The following PRPF18 variants were observed in gnomAD, a reference collection of about 807,000 sequenced individuals.
The protein encoded by PRPF18 is pre-mRNA processing factor 18, also known as pre-mRNA-splicing factor 18.
PRPF18 carries 38 observed loss-of-function variants against 46.5 expected under a neutral mutation model. The observed-to-expected ratio is 0.82, with a 90% CI of 0.63 to 1.07. The LOEUF (loss-of-function observed/expected upper bound fraction) is 1.07, where lower values mean the gene tolerates loss of function less well. Ranked by LOEUF, PRPF18 falls within the 50% of genes least tolerant of loss-of-function variation. The probability of loss-of-function intolerance (pLI) is 0.00; values close to 1 mark genes in which losing one functional copy is unlikely to be tolerated. For synonymous variants in PRPF18, 152 were observed against 146.7 expected, an observed-to-expected ratio of 1.04 and a Z score of -0.26; for missense variants, 263 against 410.0, an observed-to-expected ratio of 0.64 and a Z score of 3.10.
chr10:13,613,863 T>C lies in PRPF18; in HGVS notation c.702T>C (p.Phe234=), dbSNP rs367666013. ...CCGAGTCCTACCTAAGACCACTTTT[T>C]AGAAAGCTACGGAAAAGGGTGAGGT... is the stretch of plus-strand genomic sequence containing the variant. ...KQTESYLRPL[F]RKLRKRNLPA... Residue 234 remains phenylalanine, a synonymous_variant, in exon 7 of 10, where the codon TTT becomes TTC. Transcript: ENST00000378572. 33 of 1,611,070 alleles carry C rather than the reference T, an allele frequency of 2.0e-5. No homozygotes were observed. The African/African-American group carries it at 4.3e-4, about 21-fold the overall frequency.
At chr10:13,647,066 A>T in the PRPF18 span, 1 of 460,324 alleles carries the variant, frequency 2.2e-6, no homozygotes, top group Non-Finnish European at 2.7e-6. Flanking sequence ...GAGATGAGAC[A>T]GTTAGTTAGT....
At chr10:13,655,730 C>G in the PRPF18 span, 1 of 152,244 alleles carries the variant, frequency 6.6e-6, no homozygotes, top group Non-Finnish European at 1.5e-5. Context: ...ATTCCTGACT[C>G]AGAGTTCCTC....
At chr10:13,654,578 C>T in the PRPF18 span, 457 of 1,023,326 alleles carry the variant, frequency 4.5e-4, 4 homozygotes, top group African/African-American at 6.0e-3. Context: ...AAAGAGCTTG[C>T]GACTTGTTGG....
chr10:13,652,991 C>G, the PRPF18 span: 6 of 151,592 alleles, frequency 4.0e-5, no homozygotes, highest in Admixed American at 2.0e-4. Context: ...CCAGCTCCCT[C>G]CAGCTGTCAG....
the PRPF18 span, chr10:13,639,413 A>T: frequency 2.6e-5 from 4 of 152,198 alleles, no homozygotes; most frequent in African/African-American, 4.8e-5. Flanking sequence ...TTCAGAAAAT[A>T]CATGGCTCTG....
chr10:13,605,156 A>G lies in PRPF18; in HGVS notation c.250-475A>G, dbSNP rs568206637. On this transcript the variant is annotated intron_variant, in intron 3 of 9. Transcript: ENST00000378572. ...ATCTTTGTTTAGCTTAATTGAAATG[A>G]TCTAAAATATTTGAAGGATTTTATA... Among the ~76,000 whole-genome samples, 10 of 152,360 alleles carry G rather than the reference A, an allele frequency of 6.6e-5. No individual in the cohort carries two copies. In the East Asian group the frequency reaches 1.9e-3, roughly 29 times the overall value.
intron 8 of PRPF18, among the ~76,000 whole-genome samples, chr10:13,615,470 A>T (rs931696315): frequency 6.6e-6 from 1 of 152,258 alleles, no homozygotes; most frequent in Non-Finnish European, 1.5e-5. Flanking sequence ...ATTAAGCTTT[A>T]TAAAACCGGT....
Position 13,587,032 on chromosome 10 carries a change from A to G in PRPF18, c.-55A>G. 3.8e-6 allele frequency: 6 copies of G among 1,576,186 alleles called. No homozygotes were observed. The highest frequency in any genetic ancestry group is 2.6e-6 in the Non-Finnish European group (3 of 1,145,662). ...TGGGTTCGCGGCCGCCGGCCCAGTG[A>G]GGCTGGGTTCGAGGAGCTGGAGCGG... is the stretch of plus-strand genomic sequence containing the variant. On this transcript the variant is annotated 5_prime_UTR_variant, in exon 1 of 10. Transcript: ENST00000378572.
the PRPF18 span, chr10:13,646,876 G>C: frequency 5.8e-6 from 2 of 344,874 alleles, no homozygotes; most frequent in African/African-American, 4.4e-5. Context: ...AGGCAAATGA[G>C]AGGCAGTGAG....
intron 9 of PRPF18, among the ~76,000 whole-genome samples, chr10:13,618,479 A>AGCCAGG (rs2080376152): frequency 6.6e-6 from 1 of 151,948 alleles, no homozygotes; most frequent in Non-Finnish European, 1.5e-5. Flanking sequence ...AATAGAAACT[A>AGCCAGG]GCCAGGCATG....
chr10:13,592,327 A>G, intron 1 of PRPF18: 2 of 352,834 alleles, frequency 5.7e-6, no homozygotes, highest in Non-Finnish European at 1.1e-5. Context: ...CCACCATCTT[A>G]CAAGATGGGG....
chr10:13,632,118 G>C (rs746864990), downstream of PRPF18: 1 of 152,656 alleles, frequency 6.6e-6, no homozygotes, highest in Admixed American at 6.5e-5. Context: ...GAGGTGGGCA[G>C]ATCACGAGGT....
chr10:13,610,126 G>A lies in PRPF18; in HGVS notation c.451G>A (p.Glu151Lys). Residue 151 changes from glutamate (E) to lysine (K), a missense_variant, in exon 5 of 10, where the codon GAA becomes AAA. Glu to Lys is a moderately conservative substitution (Grantham distance 56). Coordinates refer to ENST00000378572, the MANE Select transcript of PRPF18 (RefSeq NM_003675.4). ...EIVGGQEPGEEDTQNDLKVHE... is the reference protein window; with the variant it reads ...EIVGGQEPGEKDTQNDLKVHE... The stretch of plus-strand genomic sequence containing the variant: ...CGTCGGCGGTCAGGAGCCTGGAGAG[G>A]AAGACACACAGAATGATCTGAAAGT... 6.2e-7 allele frequency: 1 copy of A among 1,614,054 alleles called. No individual in the cohort carries two copies. Among genetic ancestry groups the A allele is most frequent in the Admixed American group, 1.7e-5 (1 of 60,016 alleles).
intron 1 of PRPF18, chr10:13,592,091 G>A (rs2079971312): frequency 8.6e-6 from 5 of 583,180 alleles, no homozygotes; most frequent in South Asian, 1.6e-5. Context: ...TTTCAACCTC[G>A]TACTTAGCGG....
intron 8 of PRPF18, 142 bp from the exon 9 acceptor site, chr10:13,616,256 A>G (rs1427594319): frequency 1.2e-5 from 10 of 809,284 alleles, no homozygotes; most frequent in African/African-American, 1.7e-5. Context: ...TTTTGTTTGA[A>G]TAACAGTCAT....
chr10:13,633,311 C>T (rs1049964534), downstream of PRPF18, among the ~76,000 whole-genome samples: 34 of 152,168 alleles, frequency 2.2e-4, no homozygotes, highest in African/African-American at 8.2e-4. Context: ...AGGAAACAGG[C>T]TTGATAGCAG....
chr10:13,654,054 T>C, the PRPF18 span: 1 of 434,824 alleles, frequency 2.3e-6, no homozygotes, highest in Non-Finnish European at 4.0e-6. Flanking sequence ...GCTCTCTTTC[T>C]CCCCCTGACA....
chr10:13,610,237 G>A lies in PRPF18; in HGVS notation c.510+52G>A, dbSNP rs554618450. 11 of 1,567,438 alleles carry A rather than the reference G, an allele frequency of 7.0e-6. No homozygotes were observed. The African/African-American group carries it at 1.4e-4, about 19-fold the overall frequency. On this transcript the variant is annotated intron_variant, in intron 5 of 9. Transcript: ENST00000378572. Reference sequence around the variant, plus strand: ...TCCCTGGCACCCTTCTTTTTCCTCTGGAGCAGATGACTGAGTCGGGCAGAT... The same window carrying A: ...TCCCTGGCACCCTTCTTTTTCCTCTAGAGCAGATGACTGAGTCGGGCAGAT...
the PRPF18 span, among the ~76,000 whole-genome samples, chr10:13,649,866 GTAAAAACC>G: frequency 1.4e-4 from 22 of 152,324 alleles, 1 homozygote; most frequent in East Asian, 3.3e-3. Context: ...AGTTGCCCTA[GTAAAAACC>G]TAAAAACCTA....
Sources: allele counts gnomAD v4.1 joint callset (sites outside exome capture counted in the v4.1 genomes callset), GRCh38; gene constraint gnomAD v4.1.1; transcripts MANE v1.5; gene names NCBI Gene and HGNC (gene_info 2026-07-23, HGNC 2026-07-21).